The following KIF13A variants were observed in gnomAD, a reference collection of about 807,000 sequenced individuals.
KIF13A encodes the protein kinesin-like protein KIF13A.
Under a neutral mutation model 212.2 loss-of-function variants are expected in KIF13A, and 79 were observed. That is an observed-to-expected ratio of 0.37 (90% CI 0.31 to 0.45). KIF13A has a LOEUF of 0.45. Ranked by LOEUF, KIF13A falls within the 20% of genes least tolerant of loss-of-function variation. KIF13A has a pLI of 1.00. For synonymous variants in KIF13A, 789 were observed against 808.6 expected (o/e 0.98, Z 0.41); for missense variants, 1,901 against 2,209.0 (o/e 0.86, Z 2.79).
chr6:17,833,497 CAAAAAAAAAAAAA>C (rs59654452), intron 12 of KIF13A, among the ~76,000 whole-genome samples: 1 of 97,974 alleles, frequency 1.0e-5, no homozygotes, highest in East Asian at 3.2e-4. Flanking sequence ...ACCTTGTCTT[CAAAAAAAAAAAAA>C]AAAAAAAAAG....
rs1180842660 is a variant in KIF13A, at chr6:17,779,738, T to C, written c.3847-54A>G. ...AGCTATGTGACAAATGTAAGTTATT[T>C]TGTATTTTTTTTTTTTTTTTTGAGA... On this transcript the variant is annotated intron_variant, in intron 31 of 38. Coordinates refer to ENST00000259711, the MANE Select transcript of KIF13A (RefSeq NM_022113.6). The C allele has an allele frequency of 1.4e-5, 10 of 725,360 alleles. No individual in the cohort carries two copies. In the East Asian group the frequency reaches 4.1e-4, roughly 30 times the overall value. The allele number at this position is 725,360 out of a possible 1,614,324, so 44.9% of individuals were successfully genotyped here.
chr6:17,880,083 G>C (rs964989891), intron 3 of KIF13A, among the ~76,000 whole-genome samples: 1 of 152,146 alleles, frequency 6.6e-6, no homozygotes, highest in Admixed American at 6.5e-5. Flanking sequence ...CCTCCCAAGA[G>C]TAGCTGGGAC....
At chr6:17,873,547 A>C in intron 3 of KIF13A, 110 bp from the exon 4 acceptor site, 1 of 734,916 alleles carries the variant, frequency 1.4e-6, no homozygotes, top group Non-Finnish European at 2.2e-6. Context: ...CTACTGTCTG[A>C]CTGAAAAAAA....
At position 17,951,223 on chromosome 6, in the gene KIF13A, G is replaced by T; in HGVS notation, c.146+35831C>A. The T allele has an allele frequency of 1.1e-6, 1 of 887,562 alleles. No individual in the cohort carries two copies. Among genetic ancestry groups the T allele is most frequent in the Middle Eastern group, 3.8e-4 (1 of 2,600 alleles). The allele number at this position is 887,562 out of a possible 1,614,324, so 55.0% of individuals were successfully genotyped here. A position where few individuals can be genotyped will look rare whatever the true frequency, so the allele number is the denominator to read the frequency against. ...AGGCTGGCGTGCAGTGGCTCAAACA[G>T]CTCACTGGAGCCTCCTGCCTCAGTC... On this transcript the variant is annotated intron_variant, in intron 2 of 38. Transcript: ENST00000259711. This position sits in a 1 kb window ranked among gnomAD's most constrained non-coding sequence, Gnocchi z 4.9.
chr6:17,784,265 C>CA (rs536490997), intron 28 of KIF13A, among the ~76,000 whole-genome samples: 2 of 151,576 alleles, frequency 1.3e-5, no homozygotes, highest in South Asian at 2.1e-4. Flanking sequence ...TAAAAAAAAA[C>CA]AAAAAAACAC....
intron 3 of KIF13A, among the ~76,000 whole-genome samples, chr6:17,874,999 G>GTACACACACACACACACA (rs1554188631): frequency 0.013 from 1,606 of 120,320 alleles, 40 homozygotes; most frequent in African/African-American, 0.046. Flanking sequence ...ACACGCACAC[G>GTACACACACACACACACA]CACGCACACA....
Position 17,976,549 on chromosome 6 carries a change from G to C in KIF13A, c.146+10505C>G, listed in dbSNP as rs1001032510. Among the ~76,000 whole-genome samples the C allele has an allele frequency of 2.0e-5, 3 of 152,058 alleles. No homozygotes were observed. In the East Asian group the frequency reaches 5.8e-4, roughly 30 times the overall value. ...GCCCGCAAGCGCGGCGCGCAGCCCC[G>C]GTTCCCGCTCGCGCCTCTCCCTCCA... On this transcript the variant is annotated intron_variant, in intron 2 of 38. Coordinates refer to ENST00000259711, the MANE Select transcript of KIF13A (RefSeq NM_022113.6).
At chr6:17,902,219 C>T (rs1414634390) in intron 2 of KIF13A, among the ~76,000 whole-genome samples, 3 of 152,196 alleles carry the variant, frequency 2.0e-5, no homozygotes, top group Non-Finnish European at 2.9e-5. Context: ...CAGCATTTCA[C>T]TAACACTTGC....
intron 19 of KIF13A, among the ~76,000 whole-genome samples, chr6:17,805,263 T>A (rs982978496): frequency 2.0e-5 from 3 of 152,234 alleles, no homozygotes; most frequent in Non-Finnish European, 2.9e-5. Context: ...AGTTCCCAAC[T>A]GTGTGGGGAT....
intron 17 of KIF13A, among the ~76,000 whole-genome samples, chr6:17,813,548 A>G (rs1230267880): frequency 9.9e-5 from 15 of 152,180 alleles, no homozygotes; most frequent in Admixed American, 9.8e-4. Flanking sequence ...ATCCAGACAG[A>G]TGAGCAGGTA....
At chr6:17,976,233 A>AGGGGCCGGCGCTCGTCAGGG (rs1239934168) in intron 2 of KIF13A, among the ~76,000 whole-genome samples, 14 of 152,188 alleles carry the variant, frequency 9.2e-5, no homozygotes, top group Non-Finnish European at 1.9e-4. Flanking sequence ...GCGGTGGAGA[A>AGGGGCCGGCGCTCGTCAGGG]GGGGCCGGCG....
rs1331799457 is a variant in KIF13A, at chr6:17,829,729, T to C, written c.1402-1359A>G. Among the ~76,000 whole-genome samples the C allele has an allele frequency of 6.6e-6, 1 of 152,270 alleles. No individual in the cohort carries two copies. The highest frequency in any genetic ancestry group is 1.5e-5 in the Non-Finnish European group (1 of 68,024). On this transcript the variant is annotated intron_variant, in intron 13 of 38. Coordinates refer to ENST00000259711, the MANE Select transcript of KIF13A (RefSeq NM_022113.6). The surrounding 1 kb of genome is among the most constrained non-coding windows in gnomAD (Gnocchi z 5.4). ...GATTTCAGAGACAATTCCTTACCCC[T>C]ACTCATTGCCTAAATGAACAGATCT...
In KIF13A at chr6:17,886,373, G is replaced by A. The variant is rs542430677; in HGVS notation, c.159+11795C>T. On this transcript the variant is annotated intron_variant, in intron 3 of 38. Transcript: ENST00000259711. This position sits in a 1 kb window ranked among gnomAD's most constrained non-coding sequence, Gnocchi z 5.6. ...GCTAAAGGACCTGAGGCAGTCCAGGGGTTGCAAACATTTACTCCCAGTTAA... is the reference window on the plus strand; with the variant it reads ...GCTAAAGGACCTGAGGCAGTCCAGGAGTTGCAAACATTTACTCCCAGTTAA... Among the ~76,000 whole-genome samples, 1 of 152,238 alleles carries A rather than the reference G, an allele frequency of 6.6e-6. No individual in the cohort carries two copies. The highest frequency in any genetic ancestry group is 2.1e-4 in the South Asian group (1 of 4,814).
chr6:17,832,710 A>T (rs1382365940), intron 12 of KIF13A, among the ~76,000 whole-genome samples: 4 of 152,042 alleles, frequency 2.6e-5, no homozygotes, highest in Non-Finnish European at 5.9e-5. Flanking sequence ...TTGCCAGGTG[A>T]TCTAAAAATC....
chr6:17,952,627 A>G (rs2150573004), intron 2 of KIF13A, among the ~76,000 whole-genome samples: 1 of 151,220 alleles, frequency 6.6e-6, no homozygotes, highest in Admixed American at 6.6e-5. Flanking sequence ...GGTGACAGGG[A>G]GAGACTCTGT....
At position 17,855,085 on chromosome 6, in the gene KIF13A, A is replaced by G. The variant is rs1235448905; in HGVS notation, c.494+352T>C. Among the ~76,000 whole-genome samples, 1 of 152,162 alleles carries G rather than the reference A, an allele frequency of 6.6e-6. No homozygotes were observed. Among genetic ancestry groups the G allele is most frequent in the Non-Finnish European group, 1.5e-5 (1 of 68,034 alleles). ...TGCTTGCCTTGGCTGGGATGTTTCAATCCTTCAACCCTTTTACCCTTAACA... is the reference window on the plus strand; with the variant it reads ...TGCTTGCCTTGGCTGGGATGTTTCAGTCCTTCAACCCTTTTACCCTTAACA... On this transcript the variant is annotated intron_variant, in intron 6 of 38. Coordinates refer to ENST00000259711, the MANE Select transcript of KIF13A (RefSeq NM_022113.6). The surrounding 1 kb of genome is among the most constrained non-coding windows in gnomAD (Gnocchi z 4.1).
intron 2 of KIF13A, among the ~76,000 whole-genome samples, chr6:17,941,586 T>C (rs57962948): frequency 0.013 from 2,047 of 151,842 alleles, 48 homozygotes; most frequent in African/African-American, 0.047. Flanking sequence ...AGGAAGACAA[T>C]GAGAAGACGC....
At chr6:17,905,497 C>T (rs1377411353) in intron 2 of KIF13A, among the ~76,000 whole-genome samples, 4 of 152,146 alleles carry the variant, frequency 2.6e-5, no homozygotes, top group African/African-American at 9.7e-5. Context: ...GCACTGTCTG[C>T]CACTTTGTTG....
chr6:17,801,655 T>C (rs1762483128), intron 20 of KIF13A, among the ~76,000 whole-genome samples: 1 of 152,202 alleles, frequency 6.6e-6, no homozygotes, highest in Non-Finnish European at 1.5e-5. Context: ...CCAGGAACTG[T>C]GCTATGAGCA....
Sources: allele counts gnomAD v4.1 joint callset (sites outside exome capture counted in the v4.1 genomes callset), GRCh38; gene constraint gnomAD v4.1.1; non-coding constraint Gnocchi (gnomAD v3.1); transcripts MANE v1.5; gene names NCBI Gene and HGNC (gene_info 2026-07-23, HGNC 2026-07-21).